SORCS2: variants seen among roughly 807,000 people sequenced by gnomAD.
SORCS2 encodes VPS10 domain-containing receptor SorCS2.
A neutral mutation model predicts 141.6 loss-of-function variants in SORCS2; 100 were observed. That is an observed-to-expected ratio of 0.71 (90% CI 0.60 to 0.83). The LOEUF (loss-of-function observed/expected upper bound fraction) is 0.83, where lower values mean the gene tolerates loss of function less well. Ranked by LOEUF, SORCS2 falls within the 40% of genes least tolerant of loss-of-function variation. The pLI is 0.00. For synonymous variants in SORCS2, 789 were observed against 676.9 expected, an observed-to-expected ratio of 1.17 and a Z score of -2.57; for missense variants, 1,646 against 1,560.2, an observed-to-expected ratio of 1.05 and a Z score of -0.93.
At chr4:7,655,580 G>T (rs186415383) in intron 5 of SORCS2, among the ~76,000 whole-genome samples, 6,913 of 152,348 alleles carry the variant, frequency 0.045, 213 homozygotes, top group African/African-American at 0.091. Flanking sequence ...GAATGCCGAT[G>T]GCTGGTGTAC....
chr4:7,638,265 C>T, intron 3 of SORCS2, 63 bp from the exon 4 acceptor site: 2 of 1,483,202 alleles, frequency 1.3e-6, no homozygotes, highest in Non-Finnish European at 1.8e-6. Context: ...CCTCACAACA[C>T]CTTTCTGGTG....
intron 9 of SORCS2, among the ~76,000 whole-genome samples, chr4:7,679,392 AT>A (rs1204705015): frequency 6.6e-6 from 1 of 152,240 alleles, no homozygotes; most frequent in Admixed American, 6.5e-5. Flanking sequence ...TCACATGCTA[AT>A]ACCCAGGCCC....
chr4:7,561,736 C>T (rs1021990148), intron 3 of SORCS2, among the ~76,000 whole-genome samples: 1 of 151,634 alleles, frequency 6.6e-6, no homozygotes, highest in Non-Finnish European at 1.5e-5. Flanking sequence ...TCCATCCATC[C>T]ACCTACTCAT....
intron 1 of SORCS2, among the ~76,000 whole-genome samples, chr4:7,356,743 G>A (rs1254232578): frequency 6.6e-6 from 1 of 152,252 alleles, no homozygotes; most frequent in African/African-American, 2.4e-5. Context: ...AGGCCTGGCT[G>A]TCCTGTTCAA....
chr4:7,321,319 C>T (rs1424893772), intron 1 of SORCS2, among the ~76,000 whole-genome samples: 1 of 151,992 alleles, frequency 6.6e-6, no homozygotes, highest in Non-Finnish European at 1.5e-5. Context: ...GTATGTATAC[C>T]ATATTTTCTT....
At chr4:7,526,139 G>A (rs1321838720) in intron 2 of SORCS2, among the ~76,000 whole-genome samples, 2 of 152,230 alleles carry the variant, frequency 1.3e-5, no homozygotes, top group Non-Finnish European at 2.9e-5. Flanking sequence ...CGACCCAGGC[G>A]CCATTCAGGC....
chr4:7,420,072 T>A (rs1167026480), intron 2 of SORCS2, among the ~76,000 whole-genome samples: 3 of 152,208 alleles, frequency 2.0e-5, no homozygotes, highest in Non-Finnish European at 4.4e-5. Flanking sequence ...GCATGGATTA[T>A]ACACAGAGGA....
chr4:7,302,901 C>T (rs1463592114), intron 1 of SORCS2, among the ~76,000 whole-genome samples: 3 of 152,078 alleles, frequency 2.0e-5, no homozygotes, highest in Non-Finnish European at 2.9e-5. Context: ...TAATTAGCAC[C>T]TCAAAGTTCC....
chr4:7,204,027 G>C (rs1164203985), intron 1 of SORCS2, among the ~76,000 whole-genome samples: 2 of 152,154 alleles, frequency 1.3e-5, no homozygotes, highest in Non-Finnish European at 2.9e-5. Flanking sequence ...ATATTCCACT[G>C]TATGGACACC....
chr4:7,260,807 A>G (rs1714268355), intron 1 of SORCS2, among the ~76,000 whole-genome samples: 1 of 152,168 alleles, frequency 6.6e-6, no homozygotes, highest in Non-Finnish European at 1.5e-5. Context: ...CACAGTGGTG[A>G]AAGCCGGGAA....
chr4:7,540,477 ACT>A (rs1712540804), intron 3 of SORCS2, among the ~76,000 whole-genome samples: 1 of 151,998 alleles, frequency 6.6e-6, no homozygotes, highest in South Asian at 2.1e-4. Context: ...TGGGACCCAC[ACT>A]CTGTGTGCAG....
intron 25 of SORCS2, among the ~76,000 whole-genome samples, chr4:7,736,747 G>A (rs1047412059): frequency 1.0e-4 from 15 of 149,344 alleles, no homozygotes; most frequent in African/African-American, 3.6e-4. Context: ...TCGGGGGAAA[G>A]AGGATATCAT....
chr4:7,272,966 A>C (rs56409309), intron 1 of SORCS2, among the ~76,000 whole-genome samples: 1 of 152,164 alleles, frequency 6.6e-6, no homozygotes, highest in Non-Finnish European at 1.5e-5. Flanking sequence ...CCCTGGACCA[A>C]TGTGGTGGAG....
intron 12 of SORCS2, 34 bp from the exon 13 acceptor site, chr4:7,703,246 G>T (rs766149817): frequency 1.4e-5 from 22 of 1,567,912 alleles, no homozygotes; most frequent in Non-Finnish European, 1.7e-5. Flanking sequence ...ACCTTCTCAG[G>T]CCCTGCCCTC....
chr4:7,632,045 G>C (rs1369274202), intron 3 of SORCS2, among the ~76,000 whole-genome samples: 1 of 152,172 alleles, frequency 6.6e-6, no homozygotes, highest in East Asian at 1.9e-4. Context: ...TGGCACACAG[G>C]CTCCCTGGCC....
At chr4:7,487,182 C>A (rs1371498380) in intron 2 of SORCS2, among the ~76,000 whole-genome samples, 1 of 152,232 alleles carries the variant, frequency 6.6e-6, no homozygotes, top group Non-Finnish European at 1.5e-5. Flanking sequence ...CCCCTCCCTG[C>A]ACCAAGAAGC....
intron 1 of SORCS2, among the ~76,000 whole-genome samples, chr4:7,236,451 A>G (rs909834536): frequency 6.6e-6 from 1 of 151,982 alleles, no homozygotes; most frequent in Admixed American, 6.6e-5. Context: ...CACGGGAGAA[A>G]AGACAGGAGG....
intron 3 of SORCS2, among the ~76,000 whole-genome samples, chr4:7,592,019 G>T (rs550759899): frequency 6.6e-6 from 1 of 152,150 alleles, no homozygotes; most frequent in East Asian, 1.9e-4. Context: ...CCTTTAAATT[G>T]GCAGAGCAGC....
chr4:7,540,106 T>C lies in SORCS2; in HGVS notation c.648+8477T>C, dbSNP rs1347967502. ...TATGGAGGCCCCGCCCCCTTTGTGC[T>C]GTGGGGCCCCACTCCCTCCCTGCTA... On this transcript the variant is annotated intron_variant, in intron 3 of 26. Transcript: ENST00000507866. Among the ~76,000 whole-genome samples the C allele has an allele frequency of 2.2e-5, 2 of 91,198 alleles. 1 individual carries two copies. The highest frequency in any genetic ancestry group is 2.7e-4 in the Admixed American group (2 of 7,274). 59.8% of individuals were successfully genotyped at this position (91,198 alleles called of 152,430 possible).
Sources: gnomAD v4.1 joint callset for allele counts (sites outside exome capture counted in the v4.1 genomes callset) on GRCh38, gnomAD v4.1.1 for gene constraint, MANE v1.5 for transcripts, NCBI Gene and HGNC (gene_info 2026-07-23, HGNC 2026-07-21) for gene names.